PTPRR: variants seen among roughly 807,000 people sequenced by gnomAD.
The protein encoded by PTPRR is protein tyrosine phosphatase receptor type R.
In PTPRR, 38 loss-of-function variants were observed where a neutral mutation model predicts 77.2. That is an observed-to-expected ratio of 0.49 (90% CI 0.38 to 0.65). The LOEUF is 0.65. Among genes scored for constraint, PTPRR ranks in the 30% least tolerant of loss-of-function variants. PTPRR has a pLI of 0.00. For synonymous variants in PTPRR, 299 were observed against 283.1 expected (o/e 1.06, Z -0.57); for missense variants, 744 against 799.2 (o/e 0.93, Z 0.83).
intron 6 of PTPRR, among the ~76,000 whole-genome samples, chr12:70,741,031 A>G (rs1445717338): frequency 6.6e-6 from 1 of 152,216 alleles, no homozygotes; most frequent in Non-Finnish European, 1.5e-5. Flanking sequence ...GAATTGTGGT[A>G]GAAAAATGGG....
At chr12:70,816,989 G>T (rs1420593569) in intron 2 of PTPRR, among the ~76,000 whole-genome samples, 1 of 152,024 alleles carries the variant, frequency 6.6e-6, no homozygotes, top group Non-Finnish European at 1.5e-5. Flanking sequence ...CTATTAACAG[G>T]TCATCTCATC....
At chr12:70,733,248 C>G (rs1889724768) in intron 6 of PTPRR, among the ~76,000 whole-genome samples, 1 of 151,534 alleles carries the variant, frequency 6.6e-6, no homozygotes, top group African/African-American at 2.4e-5. Flanking sequence ...TGATTGGATG[C>G]CAAGCATTGT....
chr12:70,772,054 T>C (rs1890990005), intron 2 of PTPRR, among the ~76,000 whole-genome samples: 1 of 152,144 alleles, frequency 6.6e-6, no homozygotes, highest in African/African-American at 2.4e-5. Flanking sequence ...ATAACCCTCA[T>C]TGAAGCCCCA....
chr12:70,916,800 CT>C (rs1479985028), intron 1 of PTPRR, among the ~76,000 whole-genome samples: 2 of 152,208 alleles, frequency 1.3e-5, no homozygotes, highest in East Asian at 3.8e-4. Context: ...TGACTATGCA[CT>C]TCTCTGAGAG....
chr12:70,661,354 TA>T (rs2136673825), intron 11 of PTPRR: 1 of 366,678 alleles, frequency 2.7e-6, no homozygotes, highest in African/African-American at 2.1e-5. Flanking sequence ...ATAGATCATA[TA>T]AGTAACATAT....
intron 2 of PTPRR, among the ~76,000 whole-genome samples, chr12:70,854,950 G>A (rs543978830): frequency 6.4e-4 from 98 of 152,220 alleles, no homozygotes; most frequent in Non-Finnish European, 1.2e-3. Context: ...CGGCAGGCAG[G>A]GGTTGCAAAC....
At chr12:70,861,833 C>A (rs1227281494) in intron 2 of PTPRR, among the ~76,000 whole-genome samples, 3 of 152,124 alleles carry the variant, frequency 2.0e-5, no homozygotes, top group Non-Finnish European at 2.9e-5. Flanking sequence ...AACAGGTGGC[C>A]TTAATTGGCT....
chr12:70,778,280 T>C (rs935468453), intron 2 of PTPRR, among the ~76,000 whole-genome samples: 2 of 152,208 alleles, frequency 1.3e-5, no homozygotes, highest in Non-Finnish European at 2.9e-5. Flanking sequence ...TGAAAAATAC[T>C]GTGGCCTGAG....
At chr12:70,734,480 T>C (rs1889794592) in intron 6 of PTPRR, among the ~76,000 whole-genome samples, 1 of 151,882 alleles carries the variant, frequency 6.6e-6, no homozygotes, top group South Asian at 2.1e-4. Flanking sequence ...CTGGATGGGG[T>C]TGCAGGCTAA....
intron 2 of PTPRR, among the ~76,000 whole-genome samples, chr12:70,875,207 G>T (rs1267944084): frequency 6.6e-6 from 1 of 152,088 alleles, no homozygotes; most frequent in African/African-American, 2.4e-5. Context: ...TACTGAGACA[G>T]AAAGGAAAAA....
chr12:70,730,527 T>TA (rs567506707), intron 6 of PTPRR, among the ~76,000 whole-genome samples: 382 of 145,226 alleles, frequency 2.6e-3, no homozygotes, highest in Non-Finnish European at 3.2e-3. Flanking sequence ...ATAAATGAAT[T>TA]AAAAAAAAAA....
intron 2 of PTPRR, among the ~76,000 whole-genome samples, chr12:70,884,083 G>A (rs139265239): frequency 6.6e-6 from 1 of 152,322 alleles, no homozygotes; most frequent in Non-Finnish European, 1.5e-5. Flanking sequence ...AGCACTGGGA[G>A]TTAAGCTTCT....
At chr12:70,658,883 G>GT (rs746595856) in intron 12 of PTPRR, among the ~76,000 whole-genome samples, 2,440 of 36,912 alleles carry the variant, frequency 0.066, 540 homozygotes, top group Non-Finnish European at 0.08. Context: ...TTTTGCTCTA[G>GT]TTTTTTTTTT....
At chr12:70,791,605 C>A (rs1013137919) in intron 2 of PTPRR, among the ~76,000 whole-genome samples, 1 of 152,038 alleles carries the variant, frequency 6.6e-6, no homozygotes, top group Admixed American at 6.6e-5. Flanking sequence ...ATCCACAGAG[C>A]CTAAATAATG....
In PTPRR at chr12:70,818,542, G is replaced by A. The variant is rs576750459; in HGVS notation, c.358-53764C>T. ...ATCATTGCAGAAGAAGATTGAACTTGAGAATCTTGAAAGGAGTTATGTAGA... is the reference window on the plus strand; with the variant it reads ...ATCATTGCAGAAGAAGATTGAACTTAAGAATCTTGAAAGGAGTTATGTAGA... On this transcript the variant is annotated intron_variant, in intron 2 of 13. Coordinates refer to ENST00000283228, the MANE Select transcript of PTPRR (RefSeq NM_002849.4). Among the ~76,000 whole-genome samples, 3 of 152,236 alleles carry A rather than the reference G, an allele frequency of 2.0e-5. No homozygotes were observed. The East Asian group carries it at 5.8e-4, about 29-fold the overall frequency.
chr12:70,698,627 T>G (rs561312732), intron 7 of PTPRR, among the ~76,000 whole-genome samples: 2 of 152,332 alleles, frequency 1.3e-5, no homozygotes, highest in East Asian at 3.9e-4. Context: ...AGAATCCTGC[T>G]GTGACATAAT....
chr12:70,876,041 G>A (rs1405448913), intron 2 of PTPRR, among the ~76,000 whole-genome samples: 1 of 152,054 alleles, frequency 6.6e-6, no homozygotes, highest in African/African-American at 2.4e-5. Flanking sequence ...GAGTACATCA[G>A]GCACCTTTAT....
chr12:70,878,666 G>T lies in PTPRR; in HGVS notation c.357+14013C>A, dbSNP rs930655396. 2.0e-5 allele frequency among the ~76,000 whole-genome samples: 3 copies of T among 152,184 alleles called. No individual in the cohort carries two copies. In the East Asian group the frequency reaches 5.8e-4, roughly 29 times the overall value. On this transcript the variant is annotated intron_variant, in intron 2 of 13. Transcript: ENST00000283228. Reference sequence around the variant, plus strand: ...ACACTGTTGGTGGGACTGTAAACTAGTTCAACCACTGTGGAAGACAGTGTG... The same window carrying T: ...ACACTGTTGGTGGGACTGTAAACTATTTCAACCACTGTGGAAGACAGTGTG...
chr12:70,855,224 A>G (rs1303472949), intron 2 of PTPRR, among the ~76,000 whole-genome samples: 1 of 152,198 alleles, frequency 6.6e-6, no homozygotes, highest in Non-Finnish European at 1.5e-5. Flanking sequence ...GTTTTTTAAG[A>G]AAATTACTGC....
Sources: gnomAD v4.1 joint callset for allele counts (sites outside exome capture counted in the v4.1 genomes callset) on GRCh38, gnomAD v4.1.1 for gene constraint, MANE v1.5 for transcripts, NCBI Gene and HGNC (gene_info 2026-07-23, HGNC 2026-07-21) for gene names.